ZDHHC15: variants seen among roughly 807,000 people sequenced by gnomAD.
ZDHHC15 encodes the protein zDHHC palmitoyltransferase 15.
Under a neutral mutation model 31.7 loss-of-function variants are expected in ZDHHC15, and 19 were observed. That is an observed-to-expected ratio of 0.60 (90% CI 0.42 to 0.88). The LOEUF is 0.88. Among genes scored for constraint, ZDHHC15 ranks in the 40% least tolerant of loss-of-function variants. The pLI is 0.00. For synonymous variants in ZDHHC15, 103 were observed against 90.0 expected, an observed-to-expected ratio of 1.14 and a Z score of -0.82; for missense variants, 209 against 251.2, an observed-to-expected ratio of 0.83 and a Z score of 1.14.
chrX:75,471,831 C>A (rs2084507772), intron 3 of ZDHHC15, among the ~76,000 whole-genome samples: 1 of 111,595 alleles, frequency 9.0e-6, no homozygotes, highest in Non-Finnish European at 1.9e-5. Context: ...TTGGCAGGCT[C>A]CCACAGGTGA....
At chrX:75,452,440 G>T (rs2084138753) in intron 3 of ZDHHC15, among the ~76,000 whole-genome samples, 1 of 110,560 alleles carries the variant, frequency 9.0e-6, no homozygotes, top group Non-Finnish European at 1.9e-5. Flanking sequence ...AATAATAATG[G>T]GAGATTTTAA....
At chrX:75,425,860 G>T (rs1569322899) in intron 7 of ZDHHC15, among the ~76,000 whole-genome samples, 1 of 111,024 alleles carries the variant, frequency 9.0e-6, no homozygotes, top group Non-Finnish European at 1.9e-5. Context: ...TCATTTTTAT[G>T]TATGGAAATA....
chrX:75,375,138 C>A (rs961423888), intron 11 of ZDHHC15, among the ~76,000 whole-genome samples: 2 of 111,490 alleles, frequency 1.8e-5, no homozygotes, highest in African/African-American at 6.5e-5. Flanking sequence ...TGTTTTTATA[C>A]GTGTTTCCAA....
intron 2 of ZDHHC15, among the ~76,000 whole-genome samples, chrX:75,479,974 C>T (rs1414253259): frequency 9.0e-6 from 1 of 111,372 alleles, no homozygotes; most frequent in Non-Finnish European, 1.9e-5. Flanking sequence ...TTTTAGATAG[C>T]TCTTCTCATA....
chrX:75,488,093 C>A (rs1409222382), intron 2 of ZDHHC15, among the ~76,000 whole-genome samples: 1 of 112,176 alleles, frequency 8.9e-6, no homozygotes, highest in Non-Finnish European at 1.9e-5. Context: ...GTTCGGACAA[C>A]TTATTTGAGG....
At chrX:75,480,667 C>T (rs1197203275) in intron 2 of ZDHHC15, among the ~76,000 whole-genome samples, 1 of 110,811 alleles carries the variant, frequency 9.0e-6, no homozygotes, top group Non-Finnish European at 1.9e-5. Flanking sequence ...TGGCAGTATT[C>T]GATACACACT....
chrX:75,471,373 A>T (rs187093170), intron 3 of ZDHHC15, among the ~76,000 whole-genome samples: 50 of 112,439 alleles, frequency 4.4e-4, no homozygotes, highest in Non-Finnish European at 7.9e-4. Flanking sequence ...GATTGGATCC[A>T]GTGTGTAAGA....
chrX:75,466,566 A>G (rs947351998), intron 3 of ZDHHC15, among the ~76,000 whole-genome samples: 1 of 111,652 alleles, frequency 9.0e-6, no homozygotes, highest in African/African-American at 3.3e-5. Context: ...AAAAATAAAT[A>G]AATAAATAAA....
intron 10 of ZDHHC15, among the ~76,000 whole-genome samples, chrX:75,381,036 C>A (rs1357169946): frequency 9.0e-6 from 1 of 111,347 alleles, no homozygotes; most frequent in African/African-American, 3.3e-5. Flanking sequence ...ACAGTGGAGT[C>A]TGGGAAAACT....
At chrX:75,462,536 C>T (rs1041724075) in intron 3 of ZDHHC15, among the ~76,000 whole-genome samples, 3 of 112,237 alleles carry the variant, frequency 2.7e-5, no homozygotes, top group African/African-American at 9.7e-5. Flanking sequence ...TAAAACACTC[C>T]TCAGCAAATG....
At chrX:75,423,566 T>C (rs1017749790) in intron 8 of ZDHHC15, among the ~76,000 whole-genome samples, 1 of 101,931 alleles carries the variant, frequency 9.8e-6, no homozygotes, top group African/African-American at 3.6e-5. Flanking sequence ...ATGGTGTATA[T>C]GTACCACATT....
At chrX:75,473,962 C>G (rs1170132036) in intron 3 of ZDHHC15, among the ~76,000 whole-genome samples, 1 of 111,330 alleles carries the variant, frequency 9.0e-6, no homozygotes, top group East Asian at 2.8e-4. Flanking sequence ...TCATGTCAGG[C>G]ATAATTATGA....
At chrX:75,463,050 C>G (rs2084345111) in intron 3 of ZDHHC15, among the ~76,000 whole-genome samples, 1 of 111,096 alleles carries the variant, frequency 9.0e-6, no homozygotes, top group South Asian at 3.8e-4. Context: ...AGAGAAGAAT[C>G]AAATAAACAC....
chrX:75,490,090 T>A (rs998546571), intron 2 of ZDHHC15, among the ~76,000 whole-genome samples: 1 of 111,024 alleles, frequency 9.0e-6, no homozygotes, highest in Non-Finnish European at 1.9e-5. Context: ...TGGGACTATG[T>A]GAAAAGACCA....
At chrX:75,488,155 T>C (rs1228046902) in intron 2 of ZDHHC15, among the ~76,000 whole-genome samples, 1 of 111,627 alleles carries the variant, frequency 9.0e-6, no homozygotes, top group African/African-American at 3.3e-5. Context: ...GACATCCGAA[T>C]ACAAGAAGCC....
rs982068053 is a variant in ZDHHC15, at chrX:75,443,534, A to G, written c.379+7268T>C. The stretch of plus-strand genomic sequence containing the variant: ...AAAACCCTACAAGAAAACCTAGGCA[A>G]TAACATTCAGGACATAGGCATGGTC... On this transcript the variant is annotated intron_variant, in intron 4 of 11. Coordinates refer to ENST00000373367, the MANE Select transcript of ZDHHC15 (RefSeq NM_144969.3). 2.7e-5 allele frequency among the ~76,000 whole-genome samples: 3 copies of G among 112,131 alleles called. No individual in the cohort carries two copies. The Admixed American group carries it at 2.8e-4, about 11-fold the overall frequency.
At chrX:75,516,728 A>T (rs1220350413) in intron 1 of ZDHHC15, among the ~76,000 whole-genome samples, 42 of 112,176 alleles carry the variant, frequency 3.7e-4, no homozygotes, top group African/African-American at 1.4e-3. Flanking sequence ...AAGCCAAAAT[A>T]GACAAATGGG....
intron 3 of ZDHHC15, among the ~76,000 whole-genome samples, chrX:75,458,471 C>T (rs2084259932): frequency 1.8e-5 from 2 of 111,424 alleles, no homozygotes; most frequent in African/African-American, 6.5e-5. Context: ...TGTTATACTT[C>T]AATAAAATTA....
intron 2 of ZDHHC15, among the ~76,000 whole-genome samples, chrX:75,496,429 C>T (rs2085000775): frequency 9.0e-6 from 1 of 111,346 alleles, no homozygotes; most frequent in East Asian, 2.8e-4. Context: ...ACTCAACTGA[C>T]AGCACTAGAC....
Sources: gnomAD v4.1 joint callset for allele counts (sites outside exome capture counted in the v4.1 genomes callset) on GRCh38, gnomAD v4.1.1 for gene constraint, MANE v1.5 for transcripts, NCBI Gene and HGNC (gene_info 2026-07-23, HGNC 2026-07-21) for gene names.